TG: variants seen among roughly 807,000 people sequenced by gnomAD.
The protein encoded by TG is thyroid hormones.
In TG, 270 loss-of-function variants were observed where a neutral mutation model predicts 324.7. The observed-to-expected ratio is 0.83, with a 90% CI of 0.75 to 0.92. TG has a LOEUF of 0.92. Among genes scored for constraint, TG ranks in the 40% least tolerant of loss-of-function variants. The pLI is 0.00. For missense variants in TG, 3,591 were observed against 3,456.4 expected (o/e 1.04, Z -0.98); for synonymous variants, 1,401 against 1,327.0 (o/e 1.06, Z -1.21).
chr8:133,023,327 CA>C (rs1286120209), intron 40 of TG, among the ~76,000 whole-genome samples: 4 of 151,934 alleles, frequency 2.6e-5, no homozygotes, highest in Non-Finnish European at 1.5e-5. Context: ...TGATGGGGAG[CA>C]GGGTCAGCTG....
intron 5 of TG, among the ~76,000 whole-genome samples, chr8:132,876,521 C>T (rs530206913): frequency 3.3e-5 from 5 of 152,314 alleles, no homozygotes; most frequent in South Asian, 4.2e-4. Flanking sequence ...GCAGCTCATT[C>T]GCTGACCTGC....
At chr8:133,035,742 T>C (rs543511911) in intron 41 of TG, among the ~76,000 whole-genome samples, 1 of 152,320 alleles carries the variant, frequency 6.6e-6, no homozygotes, top group East Asian at 1.9e-4. Flanking sequence ...GCACCACAGG[T>C]TTTCCTTTTG....
intron 46 of TG, among the ~76,000 whole-genome samples, 160 bp downstream of exon 46, chr8:133,132,106 C>T (rs1465136926): frequency 6.6e-6 from 1 of 152,218 alleles, no homozygotes; most frequent in African/African-American, 2.4e-5. Context: ...TCACCCCCTC[C>T]TAGCCAAAAC....
At chr8:133,058,569 C>T (rs1221816742) in intron 41 of TG, among the ~76,000 whole-genome samples, 1 of 152,172 alleles carries the variant, frequency 6.6e-6, no homozygotes, top group Non-Finnish European at 1.5e-5. Flanking sequence ...GCCTCCCCAG[C>T]CTGCCTGGGC....
intron 45 of TG, among the ~76,000 whole-genome samples, chr8:133,131,086 G>T (rs1306444996): frequency 6.6e-6 from 1 of 152,176 alleles, no homozygotes; most frequent in South Asian, 2.1e-4. Context: ...CTCTCTTTGG[G>T]CAAAGCCCGA....
intron 43 of TG, among the ~76,000 whole-genome samples, chr8:133,103,506 C>T (rs1291669998): frequency 1.3e-5 from 2 of 152,206 alleles, no homozygotes; most frequent in East Asian, 1.9e-4. Flanking sequence ...ACTTGTCCCC[C>T]CCAAAATATT....
intron 16 of TG, among the ~76,000 whole-genome samples, chr8:132,904,818 C>T (rs1818437899): frequency 6.6e-6 from 1 of 152,180 alleles, no homozygotes; most frequent in Non-Finnish European, 1.5e-5. Flanking sequence ...AACCTGTATT[C>T]ACTGAAATGG....
chr8:132,983,832 G>A (rs949276481), intron 35 of TG: 6 of 322,876 alleles, frequency 1.9e-5, no homozygotes, highest in Admixed American at 4.6e-5. Flanking sequence ...TACAGTTATC[G>A]GCCACACTGG....
intron 27 of TG, among the ~76,000 whole-genome samples, chr8:132,958,053 C>T (rs906425516): frequency 1.3e-5 from 2 of 152,120 alleles, no homozygotes; most frequent in African/African-American, 4.8e-5. Context: ...GTTTTTCATC[C>T]CTGAGTTACT....
chr8:132,982,105 T>G (rs1830936478), intron 34 of TG, among the ~76,000 whole-genome samples: 1 of 152,210 alleles, frequency 6.6e-6, no homozygotes, highest in Non-Finnish European at 1.5e-5. Flanking sequence ...GTTTACTATA[T>G]GATCAGAGCT....
intron 32 of TG, among the ~76,000 whole-genome samples, chr8:132,971,151 C>T (rs1230857325): frequency 6.6e-6 from 1 of 152,170 alleles, no homozygotes; most frequent in African/African-American, 2.4e-5. Context: ...TAAGTCCCTC[C>T]TGCCATGAAT....
At chr8:133,055,427 C>T (rs1436970094) in intron 41 of TG, among the ~76,000 whole-genome samples, 1 of 150,844 alleles carries the variant, frequency 6.6e-6, no homozygotes, top group African/African-American at 2.4e-5. Context: ...ATGCAACTAA[C>T]CAATCACACA....
At chr8:133,007,165 C>T (rs894423058) in intron 35 of TG, among the ~76,000 whole-genome samples, 13 of 151,900 alleles carry the variant, frequency 8.6e-5, no homozygotes, top group African/African-American at 2.4e-4. Flanking sequence ...TTAATTTAGG[C>T]CTTTAAAATT....
chr8:132,868,345 T>C, intron 2 of TG, 122 bp downstream of exon 2: 1 of 929,474 alleles, frequency 1.1e-6, no homozygotes, highest in East Asian at 2.6e-5. Flanking sequence ...GCTTGGCCAC[T>C]GTCATTTGGA....
intron 43 of TG, among the ~76,000 whole-genome samples, chr8:133,111,181 C>T (rs532235589): frequency 6.6e-6 from 1 of 152,132 alleles, no homozygotes; most frequent in African/African-American, 2.4e-5. Context: ...GTGTCCACAG[C>T]TCTGATGTGG....
Position 132,893,684 on chromosome 8 carries a change from C to T in TG, c.2762-6C>T. The T allele has an allele frequency of 6.2e-7, 1 of 1,613,466 alleles. No homozygotes were observed. The highest frequency in any genetic ancestry group is 8.5e-7 in the Non-Finnish European group (1 of 1,179,826). ...GAGTCCATCTGTGTTATTTTTATTCCCCTAGGTCCTGGCTCCTGTGAGGAA... is the reference window on the plus strand; with the variant it reads ...GAGTCCATCTGTGTTATTTTTATTCTCCTAGGTCCTGGCTCCTGTGAGGAA... On this transcript the variant is annotated splice_polypyrimidine_tract_variant and splice_region_variant and intron_variant, in intron 10 of 47. Transcript: ENST00000220616.
rs1325782594 is a variant in TG at position 133,062,783 on chromosome 8, C to T, written c.7240-32261C>T. Among the ~76,000 whole-genome samples, 4 of 152,010 alleles carry T rather than the reference C, an allele frequency of 2.6e-5. No homozygotes were observed. In the East Asian group the frequency reaches 5.8e-4, roughly 22 times the overall value. On this transcript the variant is annotated intron_variant, in intron 41 of 47. Coordinates refer to ENST00000220616, the MANE Select transcript of TG (RefSeq NM_003235.5). ...TTCTGCACAGGCCTTGGGAAGCATG[C>T]GTATGACATGCAGAGGCTGCTTTGC...
chr8:132,970,605 G>A (rs548363153), intron 32 of TG, among the ~76,000 whole-genome samples: 1 of 152,270 alleles, frequency 6.6e-6, no homozygotes, highest in East Asian at 1.9e-4. Context: ...TTGAAAATGG[G>A]GGTAAAAAGA....
rs577801844 is a variant in TG at position 133,132,075 on chromosome 8, C to G, written c.7997+129C>G. The G allele has an allele frequency of 1.6e-4, 227 of 1,385,656 alleles. No individual in the cohort carries two copies. In the African/African-American group the frequency reaches 2.9e-3, roughly 18 times the overall value. The allele number at this position is 1,385,656 out of a possible 1,614,324, so 85.8% of individuals were successfully genotyped here. On this transcript the variant is annotated intron_variant, in intron 46 of 47. Coordinates refer to ENST00000220616, the MANE Select transcript of TG (RefSeq NM_003235.5). ...CCTCCGTAGACACTATAATCACCAGCCACTGGCCTCCCTGTCTCAGTCACC... is the reference window on the plus strand; with the variant it reads ...CCTCCGTAGACACTATAATCACCAGGCACTGGCCTCCCTGTCTCAGTCACC...
Sources: allele counts gnomAD v4.1 joint callset (sites outside exome capture counted in the v4.1 genomes callset), GRCh38; gene constraint gnomAD v4.1.1; transcripts MANE v1.5; gene names NCBI Gene and HGNC (gene_info 2026-07-23, HGNC 2026-07-21).